SOX5: variants seen among roughly 807,000 people sequenced by gnomAD.
SOX5 encodes the protein transcription factor SOX-5.
A neutral mutation model predicts 92.0 loss-of-function variants in SOX5; 9 were observed. That is an observed-to-expected ratio of 0.10 (90% CI 0.06 to 0.17). The LOEUF (loss-of-function observed/expected upper bound fraction) is 0.17. Ranked by LOEUF, SOX5 falls within the 10% of genes least tolerant of loss-of-function variation. The pLI is 1.00. For missense variants in SOX5, 642 were observed against 944.5 expected, an observed-to-expected ratio of 0.68 and a Z score of 4.20; for synonymous variants, 344 against 336.3, an observed-to-expected ratio of 1.02 and a Z score of -0.25.
intron 1 of SOX5, among the ~76,000 whole-genome samples, chr12:24,529,248 C>T (rs1334680815): frequency 1.3e-5 from 2 of 152,172 alleles, no homozygotes; most frequent in African/African-American, 2.4e-5. Flanking sequence ...AGAAAGATTA[C>T]ACGTGGCTTC....
At chr12:23,973,160 CTTT>C (rs60609193) in intron 4 of SOX5, among the ~76,000 whole-genome samples, 14 of 111,988 alleles carry the variant, frequency 1.3e-4, no homozygotes, top group Non-Finnish European at 1.6e-4. Context: ...TAACTTTTTT[CTTT>C]TTTTTTTTTT....
At chr12:23,869,286 G>T (rs1234285441) in intron 2 of SOX5, among the ~76,000 whole-genome samples, 2 of 152,094 alleles carry the variant, frequency 1.3e-5, no homozygotes, top group Admixed American at 1.3e-4. Context: ...ACAAAATGTA[G>T]TGCAGGTTAT....
chr12:23,604,369 G>A lies in SOX5; in HGVS notation c.1164+18C>T, dbSNP rs1029845236. The A allele has an allele frequency of 1.2e-6, 2 of 1,612,840 alleles. No homozygotes were observed. The highest frequency in any genetic ancestry group is 2.7e-5 in the African/African-American group (2 of 74,846). On this transcript the variant is annotated intron_variant, in intron 9 of 14. Transcript: ENST00000451604. Reference sequence around the variant, plus strand: ...AATAAAGCTAAGTGGCAAGACAGTGGCTTCTTCAAAAGGGTACCTTGCTTT... The same window carrying A: ...AATAAAGCTAAGTGGCAAGACAGTGACTTCTTCAAAAGGGTACCTTGCTTT...
At chr12:24,171,220 TG>T (rs563809656) in intron 4 of SOX5, among the ~76,000 whole-genome samples, 19,719 of 63,836 alleles carry the variant, frequency 0.31, 5,793 homozygotes, top group Non-Finnish European at 0.38. Flanking sequence ...TTTTTTTGTT[TG>T]TTTGTTTGTT....
intron 7 of SOX5, among the ~76,000 whole-genome samples, chr12:23,650,355 GT>G (rs764174330): frequency 3.3e-5 from 5 of 152,216 alleles, no homozygotes; most frequent in African/African-American, 1.2e-4. Context: ...TATTATAAAT[GT>G]TACAGGGTCA....
intron 2 of SOX5, among the ~76,000 whole-genome samples, chr12:24,326,039 T>C (rs1950647704): frequency 6.6e-6 from 1 of 152,182 alleles, no homozygotes; most frequent in Non-Finnish European, 1.5e-5. Context: ...ACAACCTCCT[T>C]ATCTCTCAGG....
chr12:24,489,272 A>C lies in SOX5; in HGVS notation c.-251+73057T>G, dbSNP rs531669914. ...TAGATTTCAGTATACTTGTTCAACTATCAGAGCCAGGTATCAGAGTCAAAT... is the reference window on the plus strand; with the variant it reads ...TAGATTTCAGTATACTTGTTCAACTCTCAGAGCCAGGTATCAGAGTCAAAT... On this transcript the variant is annotated intron_variant, in intron 1 of 4. Transcript: ENST00000446891. Among the ~76,000 whole-genome samples the C allele has an allele frequency of 3.5e-4, 53 of 152,318 alleles. 1 individual carries two copies. In the South Asian group the frequency reaches 0.011, roughly 30 times the overall value.
At position 24,018,425 on chromosome 12, in the gene SOX5, C is replaced by T. The variant is rs181659940; in HGVS notation, c.-1-122401G>A. Among the ~76,000 whole-genome samples the T allele has an allele frequency of 1.9e-4, 29 of 152,246 alleles. No individual in the cohort carries two copies. In the East Asian group the frequency reaches 5.2e-3, roughly 27 times the overall value. On this transcript the variant is annotated intron_variant, in intron 4 of 4. Transcript: ENST00000446891. ...AATTGTGATGAAATTATTAGAATTA[C>T]AGAAAATCAGGCTTTGAAGGAATCT...
chr12:23,833,923 T>A (rs968142000), intron 3 of SOX5, among the ~76,000 whole-genome samples: 2 of 151,928 alleles, frequency 1.3e-5, no homozygotes, highest in African/African-American at 4.8e-5. Context: ...CTACAAAATG[T>A]CAATTAGTAG....
chr12:23,915,622 A>G (rs1259857774), intron 1 of SOX5, among the ~76,000 whole-genome samples: 13 of 151,918 alleles, frequency 8.6e-5, no homozygotes, highest in Admixed American at 7.2e-4. Flanking sequence ...TCCTACTACC[A>G]ACATACCAAA....
intron 6 of SOX5, among the ~76,000 whole-genome samples, chr12:23,671,387 G>C (rs940538481): frequency 6.6e-6 from 1 of 152,156 alleles, no homozygotes; most frequent in Admixed American, 6.5e-5. Context: ...CTGAAATTCA[G>C]TCACCTTCAG....
rs777437748 is a variant in SOX5, at chr12:23,755,610, T to C, written c.568+28A>G. The C allele has an allele frequency of 7.0e-5, 104 of 1,495,890 alleles. 3 individuals are homozygous for C. In the South Asian group the frequency reaches 7.9e-4, roughly 11 times the overall value. The allele number at this position is 1,495,890 out of a possible 1,614,324, so 92.7% of individuals were successfully genotyped here. A position where few individuals can be genotyped will look rare whatever the true frequency, so the allele number is the denominator to read the frequency against. On this transcript the variant is annotated intron_variant, in intron 4 of 14. Coordinates refer to ENST00000451604, the MANE Select transcript of SOX5 (RefSeq NM_006940.6). ...AATATCAACTTCATTTTGGTACATT[T>C]TGGATAAAAACAATCACACCATATT...
At chr12:24,392,415 C>T (rs1017444007) in intron 1 of SOX5, among the ~76,000 whole-genome samples, 1 of 152,136 alleles carries the variant, frequency 6.6e-6, no homozygotes, top group South Asian at 2.1e-4. Flanking sequence ...TTTAACTACT[C>T]TAGCTTTCTT....
At position 23,640,086 on chromosome 12, in the gene SOX5, G is replaced by T. The variant is rs112496385; in HGVS notation, c.1017+726C>A. Among the ~76,000 whole-genome samples the T allele has an allele frequency of 2.0e-5, 3 of 152,222 alleles. No individual in the cohort carries two copies. The East Asian group carries it at 5.8e-4, about 29-fold the overall frequency. The stretch of plus-strand genomic sequence containing the variant: ...AATTGCATAATCACAGGTCCATACC[G>T]ATAGAAACTAAGGAATGTTTTGTGG... On this transcript the variant is annotated intron_variant, in intron 8 of 14. Transcript: ENST00000451604.
intron 2 of SOX5, among the ~76,000 whole-genome samples, chr12:24,347,531 T>C (rs1004754546): frequency 6.6e-6 from 1 of 152,198 alleles, no homozygotes; most frequent in African/African-American, 2.4e-5. Flanking sequence ...ATCACAATAA[T>C]ATACAATAGA....
At chr12:23,981,468 T>C (rs1051349307) in intron 4 of SOX5, among the ~76,000 whole-genome samples, 1 of 152,236 alleles carries the variant, frequency 6.6e-6, no homozygotes, top group Admixed American at 6.5e-5. Context: ...TGTTAAAATA[T>C]GGATCATGTA....
intron 11 of SOX5, among the ~76,000 whole-genome samples, chr12:23,558,817 G>A (rs936583138): frequency 6.6e-6 from 1 of 152,126 alleles, no homozygotes; most frequent in Non-Finnish European, 1.5e-5. Context: ...TGGTCAGGCT[G>A]GTCTCAAACT....
intron 4 of SOX5, among the ~76,000 whole-genome samples, chr12:24,000,535 A>G (rs1292473355): frequency 3.9e-5 from 6 of 152,136 alleles, no homozygotes; most frequent in Non-Finnish European, 7.4e-5. Flanking sequence ...CAACACCACT[A>G]ATAATTAACT....
At chr12:23,974,120 G>A (rs1480273323) in intron 4 of SOX5, among the ~76,000 whole-genome samples, 1 of 152,034 alleles carries the variant, frequency 6.6e-6, no homozygotes, top group African/African-American at 2.4e-5. Context: ...AGAAAAATTA[G>A]AACAATGTAC....
Sources: allele counts gnomAD v4.1 joint callset (sites outside exome capture counted in the v4.1 genomes callset), GRCh38; gene constraint gnomAD v4.1.1; transcripts MANE v1.5; gene names NCBI Gene and HGNC (gene_info 2026-07-23, HGNC 2026-07-21).